The following ARID3A variants were observed in gnomAD, a reference collection of about 807,000 sequenced individuals.
ARID3A encodes the protein AT-rich interactive domain-containing protein 3A.
Under a neutral mutation model 52.7 loss-of-function variants are expected in ARID3A, and 11 were observed. That is an observed-to-expected ratio of 0.21 (90% CI 0.13 to 0.35). The LOEUF is 0.35. Ranked by LOEUF, ARID3A falls within the 10% of genes least tolerant of loss-of-function variation. The pLI is 1.00. For synonymous variants in ARID3A, 404 were observed against 359.4 expected (o/e 1.12, Z -1.40); for missense variants, 721 against 838.5 (o/e 0.86, Z 1.73).
At chr19:932,792 G>T (rs957612580) in intron 3 of ARID3A, 50 bp downstream of exon 3, 3 of 1,543,672 alleles carry the variant, frequency 1.9e-6, no homozygotes, top group African/African-American at 1.4e-5. Context: ...TCCTGGGCCA[G>T]TGGGGCCCTT....
At chr19:971,568 C>T (rs566909850) in intron 8 of ARID3A, among the ~76,000 whole-genome samples, 3 of 152,170 alleles carry the variant, frequency 2.0e-5, no homozygotes, top group South Asian at 4.1e-4. Flanking sequence ...GAGCCAATAT[C>T]GCACCACTGC....
chr19:948,702 CTTT>C (rs35592836), intron 3 of ARID3A, among the ~76,000 whole-genome samples: 1 of 77,284 alleles, frequency 1.3e-5, no homozygotes. Context: ...GGCCTGGAGT[CTTT>C]TTTTTTTTTT....
chr19:932,841 C>T lies in ARID3A; in HGVS notation c.693+99C>T, dbSNP rs530847966. On this transcript the variant is annotated intron_variant, in intron 3 of 8. Transcript: ENST00000263620. The stretch of plus-strand genomic sequence containing the variant: ...TGCACGGGGTGTGTGCTGAGCCGGG[C>T]GTCGAGTTGAGAGCTGGGGGTTCCT... 1.2e-3 allele frequency: 1,834 copies of T among 1,496,824 alleles called. 1 individual carries two copies. Among genetic ancestry groups the T allele is most frequent in the Non-Finnish European group, 1.5e-3 (1,719 of 1,131,052 alleles). 92.7% of individuals were successfully genotyped at this position (1,496,824 alleles called of 1,614,324 possible). A position where few individuals can be genotyped will look rare whatever the true frequency, so the allele number is the denominator to read the frequency against.
At chr19:967,113 G>T (rs1439948897) in intron 7 of ARID3A, among the ~76,000 whole-genome samples, 2 of 152,216 alleles carry the variant, frequency 1.3e-5, no homozygotes, top group East Asian at 3.9e-4. Context: ...CAACAAATTA[G>T]CCGGGCGTGG....
At chr19:962,806 C>T (rs966595249) in intron 4 of ARID3A, among the ~76,000 whole-genome samples, 4 of 152,164 alleles carry the variant, frequency 2.6e-5, no homozygotes, top group Non-Finnish European at 2.9e-5. Flanking sequence ...TGAGCCACCG[C>T]GCCCGGCCTG....
chr19:935,131 G>T (rs565525015), intron 3 of ARID3A, among the ~76,000 whole-genome samples: 51 of 152,330 alleles, frequency 3.3e-4, no homozygotes, highest in African/African-American at 1.1e-3. Context: ...CTGGCCGGCC[G>T]CTTGGCACCG....
At chr19:951,558 G>A (rs1037256569) in intron 3 of ARID3A, among the ~76,000 whole-genome samples, 3 of 151,560 alleles carry the variant, frequency 2.0e-5, no homozygotes, top group Non-Finnish European at 4.4e-5. Context: ...CTCAAAAAAA[G>A]GAAAAAAAAC....
At chr19:936,948 T>C (rs1599388870) in intron 3 of ARID3A, among the ~76,000 whole-genome samples, 1 of 152,118 alleles carries the variant, frequency 6.6e-6, no homozygotes, top group Non-Finnish European at 1.5e-5. Context: ...CTCTGTGGAT[T>C]GGCCTGTTCT....
At chr19:954,786 G>A (rs967953899) in intron 3 of ARID3A, among the ~76,000 whole-genome samples, 14 of 151,996 alleles carry the variant, frequency 9.2e-5, no homozygotes, top group Admixed American at 6.6e-5. Context: ...CCTCGCAGAC[G>A]GGAGGAACAG....
At position 944,943 on chromosome 19, in the gene ARID3A, C is replaced by T. The variant is rs950048694; in HGVS notation, c.693+12201C>T. Among the ~76,000 whole-genome samples the T allele has an allele frequency of 1.3e-5, 2 of 152,188 alleles. No homozygotes were observed. Among genetic ancestry groups the T allele is most frequent in the African/African-American group, 2.4e-5 (1 of 41,442 alleles). ...CTCCCCTCTCCCTGTCTCTGCCACCCGCCCCGTCCCTTCCACCACGTCGCC... is the reference window on the plus strand; with the variant it reads ...CTCCCCTCTCCCTGTCTCTGCCACCTGCCCCGTCCCTTCCACCACGTCGCC... On this transcript the variant is annotated intron_variant, in intron 3 of 8. Coordinates refer to ENST00000263620, the MANE Select transcript of ARID3A (RefSeq NM_005224.3). This position sits in a 1 kb window ranked among gnomAD's most constrained non-coding sequence, Gnocchi z 5.9.
chr19:961,082 T>C (rs1388655596), intron 4 of ARID3A, among the ~76,000 whole-genome samples: 2 of 152,120 alleles, frequency 1.3e-5, no homozygotes, highest in African/African-American at 2.4e-5. Context: ...CCAACCCCCC[T>C]GGACACTCCT....
At chr19:927,101 CG>C (rs2037216807) in intron 1 of ARID3A, among the ~76,000 whole-genome samples, 1 of 152,074 alleles carries the variant, frequency 6.6e-6, no homozygotes, top group South Asian at 2.1e-4. Context: ...CCCGCGGGCC[CG>C]GGGCCTTGCA....
chr19:942,829 C>T lies in ARID3A; in HGVS notation c.693+10087C>T, dbSNP rs568574861. ...TGAGAGCAAGTAAGAACCCGCCTTCCGGGAGGAGCCCCGTCTGGATTGGAT... is the reference window on the plus strand; with the variant it reads ...TGAGAGCAAGTAAGAACCCGCCTTCTGGGAGGAGCCCCGTCTGGATTGGAT... On this transcript the variant is annotated intron_variant, in intron 3 of 8. Coordinates refer to ENST00000263620, the MANE Select transcript of ARID3A (RefSeq NM_005224.3). The surrounding 1 kb of genome is among the most constrained non-coding windows in gnomAD (Gnocchi z 8.1). Among the ~76,000 whole-genome samples, 3 of 152,324 alleles carry T rather than the reference C, an allele frequency of 2.0e-5. No homozygotes were observed. The highest frequency in any genetic ancestry group is 6.5e-5 in the Admixed American group (1 of 15,296).
chr19:956,436 C>T (rs567016870), intron 3 of ARID3A: 10 of 152,566 alleles, frequency 6.6e-5, no homozygotes, highest in South Asian at 6.1e-4. Flanking sequence ...GACGGGGTCT[C>T]GGAGGAAGAA....
chr19:968,644 A>C, intron 8 of ARID3A, 141 bp downstream of exon 8: 1 of 697,254 alleles, frequency 1.4e-6, no homozygotes, highest in South Asian at 1.8e-5. Flanking sequence ...TTTGCAGGAC[A>C]AACAGTCAAG....
chr19:926,905 C>A (rs1396256827), intron 1 of ARID3A, among the ~76,000 whole-genome samples: 3 of 152,044 alleles, frequency 2.0e-5, no homozygotes, highest in Non-Finnish European at 4.4e-5. Flanking sequence ...GCAAATCGGC[C>A]GCTTTCCAAG....
chr19:937,800 G>A (rs1391973339), intron 3 of ARID3A, among the ~76,000 whole-genome samples: 7 of 142,312 alleles, frequency 4.9e-5, no homozygotes, highest in South Asian at 2.4e-4. Context: ...TCCACCTCCC[G>A]GGTTCACGCC....
chr19:933,066 G>C (rs1003305049), intron 3 of ARID3A, among the ~76,000 whole-genome samples: 9 of 152,172 alleles, frequency 5.9e-5, no homozygotes, highest in South Asian at 2.1e-4. Flanking sequence ...GGCCCGAGCT[G>C]GGCTTGGGTT....
rs1299373090 is a variant in ARID3A, at chr19:966,855, G to A, written c.1482G>A (p.Arg494=). 2 of 1,609,620 alleles carry A rather than the reference G, an allele frequency of 1.2e-6. No individual in the cohort carries two copies. Among genetic ancestry groups the A allele is most frequent in the African/African-American group, 1.3e-5 (1 of 74,888 alleles). ...AMAAQLPMSI[R]INSQASESRQ... ...CGGCCCAGCTGCCCATGAGCATTCG[G>A]ATCAACAGCCAAGGTACTGCCCTCG... Residue 494 remains arginine, a synonymous_variant, in exon 7 of 9, where the codon CGG becomes CGA. Transcript: ENST00000263620.
Sources: gnomAD v4.1 joint callset for allele counts (sites outside exome capture counted in the v4.1 genomes callset) on GRCh38, gnomAD v4.1.1 for gene constraint, Gnocchi (gnomAD v3.1) non-coding constraint, MANE v1.5 for transcripts, NCBI Gene and HGNC (gene_info 2026-07-23, HGNC 2026-07-21) for gene names.